The following GRIA4 variants were observed in gnomAD, a reference collection of about 807,000 sequenced individuals.
GRIA4 encodes the protein glutamate ionotropic receptor AMPA type subunit 4.
In GRIA4, 34 loss-of-function variants were observed where a neutral mutation model predicts 104.0. The observed-to-expected ratio is 0.33, with a 90% CI of 0.25 to 0.44. The LOEUF (loss-of-function observed/expected upper bound fraction) is 0.44, where lower values mean the gene tolerates loss of function less well. Ranked by LOEUF, GRIA4 falls within the 20% of genes least tolerant of loss-of-function variation. The pLI, the probability that GRIA4 is intolerant of heterozygous loss-of-function variation, is 1.00. For missense variants in GRIA4, 750 were observed against 1,096.5 expected, an observed-to-expected ratio of 0.68 and a Z score of 4.46; for synonymous variants, 386 against 381.9, an observed-to-expected ratio of 1.01 and a Z score of -0.13.
At chr11:105,639,966 T>TTA (rs1228115304) in intron 3 of GRIA4, among the ~76,000 whole-genome samples, 2 of 151,976 alleles carry the variant, frequency 1.3e-5, no homozygotes, top group Non-Finnish European at 2.9e-5. Context: ...TTTATGCTGC[T>TTA]TATATCTTGG....
intron 14 of GRIA4, among the ~76,000 whole-genome samples, chr11:105,954,219 C>T (rs948938175): frequency 6.6e-6 from 1 of 152,174 alleles, no homozygotes; most frequent in Non-Finnish European, 1.5e-5. Flanking sequence ...ACAAAACCAA[C>T]TGAACCAAAG....
At chr11:105,933,668 T>G in intron 13 of GRIA4, 54 bp from the exon 14 acceptor site, 2 of 1,327,414 alleles carry the variant, frequency 1.5e-6, no homozygotes, top group South Asian at 1.4e-5. Context: ...TCAGCGAATA[T>G]TAACATGTTG....
chr11:105,742,098 T>C (rs1245802844), intron 3 of GRIA4, among the ~76,000 whole-genome samples: 1 of 152,192 alleles, frequency 6.6e-6, no homozygotes, highest in Non-Finnish European at 1.5e-5. Context: ...GTTACATGTG[T>C]AGTACTGGAC....
intron 3 of GRIA4, among the ~76,000 whole-genome samples, chr11:105,671,638 A>C (rs983648893): frequency 8.2e-6 from 1 of 121,340 alleles, no homozygotes; most frequent in African/African-American, 3.1e-5. Context: ...AGATCACACC[A>C]CTGCACTCCA....
intron 4 of GRIA4, among the ~76,000 whole-genome samples, chr11:105,794,504 T>TATATAC (rs1942388862): frequency 3.3e-5 from 4 of 122,202 alleles, no homozygotes; most frequent in African/African-American, 9.8e-5. Context: ...TATATATATA[T>TATATAC]ATATATATAC....
intron 3 of GRIA4, among the ~76,000 whole-genome samples, chr11:105,714,035 T>C (rs1162592183): frequency 1.3e-5 from 2 of 152,090 alleles, no homozygotes; most frequent in Middle Eastern, 3.2e-3. Flanking sequence ...TCTATAGGAT[T>C]TAGGTTTTAC....
chr11:105,968,757 T>C lies in GRIA4; in HGVS notation c.2295-3157T>C, dbSNP rs917326235. Reference sequence around the variant, plus strand: ...TTCATACTCAATCTTGGGAATAAAATAGCAAAAATTTACTACTTGACAATG... The same window carrying C: ...TTCATACTCAATCTTGGGAATAAAACAGCAAAAATTTACTACTTGACAATG... On this transcript the variant is annotated intron_variant, in intron 14 of 16. Transcript: ENST00000282499. Among the ~76,000 whole-genome samples the C allele has an allele frequency of 1.3e-4, 20 of 152,184 alleles. 1 individual carries two copies. The highest frequency in any genetic ancestry group is 3.4e-4 in the African/African-American group (14 of 41,448).
intron 14 of GRIA4, among the ~76,000 whole-genome samples, chr11:105,956,615 A>G (rs1948597671): frequency 6.6e-6 from 1 of 152,178 alleles, no homozygotes; most frequent in Non-Finnish European, 1.5e-5. Context: ...TCCTTTGGGT[A>G]TATATGCAGT....
intron 4 of GRIA4, among the ~76,000 whole-genome samples, chr11:105,772,961 C>T (rs1228677194): frequency 6.6e-6 from 1 of 151,786 alleles, no homozygotes; most frequent in Non-Finnish European, 1.5e-5. Context: ...AAAAAGAGAG[C>T]GAGGGAAACA....
chr11:105,631,577 C>T (rs757467091), intron 3 of GRIA4, among the ~76,000 whole-genome samples: 25 of 152,030 alleles, frequency 1.6e-4, no homozygotes, highest in Non-Finnish European at 2.9e-4. Context: ...TGTTTGCTAC[C>T]AAGTTATTTG....
intron 6 of GRIA4, among the ~76,000 whole-genome samples, chr11:105,894,868 C>A (rs1284194686): frequency 9.7e-6 from 1 of 102,710 alleles, no homozygotes; most frequent in East Asian, 2.9e-4. Flanking sequence ...GGCGCAATCT[C>A]GGCTCACTGC....
intron 3 of GRIA4, among the ~76,000 whole-genome samples, chr11:105,637,872 G>A (rs1192493038): frequency 6.6e-6 from 1 of 152,082 alleles, no homozygotes; most frequent in African/African-American, 2.4e-5. Context: ...CCATGAAGGA[G>A]GATGGCTTAT....
intron 14 of GRIA4, among the ~76,000 whole-genome samples, chr11:105,956,383 T>C (rs957888131): frequency 8.5e-5 from 13 of 152,186 alleles, no homozygotes; most frequent in Admixed American, 3.3e-4. Context: ...CTTGCAATAG[T>C]TTGCCCAGAA....
chr11:105,738,884 C>G (rs1939122891), intron 3 of GRIA4, among the ~76,000 whole-genome samples: 1 of 141,892 alleles, frequency 7.0e-6, no homozygotes, highest in Non-Finnish European at 1.5e-5. Context: ...GCCTCTTTCT[C>G]TATACTTTGT....
rs80068443 is a variant in GRIA4 at position 105,685,433 on chromosome 11, A to G, written c.248-67548A>G. On this transcript the variant is annotated intron_variant, in intron 3 of 16. Transcript: ENST00000282499. Reference sequence around the variant, plus strand: ...ACTGCCAAACTGGCTCTGTGACAGCATCAAATTATTATGTTAGATTATGTG... The same window carrying G: ...ACTGCCAAACTGGCTCTGTGACAGCGTCAAATTATTATGTTAGATTATGTG... Among the ~76,000 whole-genome samples, 1,241 of 152,302 alleles carry G rather than the reference A, an allele frequency of 8.1e-3. 15 individuals are homozygous for G. The highest frequency in any genetic ancestry group is 0.048 in the East Asian group (249 of 5,176).
chr11:105,742,417 A>T (rs1456230643), intron 3 of GRIA4, among the ~76,000 whole-genome samples: 1 of 152,004 alleles, frequency 6.6e-6, no homozygotes, highest in Non-Finnish European at 1.5e-5. Context: ...GACCCCATGT[A>T]TTCTATCTTT....
intron 5 of GRIA4, among the ~76,000 whole-genome samples, chr11:105,883,127 A>T (rs1946123855): frequency 6.6e-6 from 1 of 152,186 alleles, no homozygotes; most frequent in African/African-American, 2.4e-5. Flanking sequence ...GGGAAAAAAA[A>T]GTAATGACAA....
Position 105,974,300 on chromosome 11 carries a change from TC to T in GRIA4, c.2410-4del, listed in dbSNP as rs577246071. 5.1e-5 allele frequency: 82 copies of T among 1,612,526 alleles called. No homozygotes were observed. The highest frequency in any genetic ancestry group is 4.2e-4 in the Admixed American group (25 of 59,844). ...TCCACAGTTAACTGAAGTGTCTTTA[TC>T]CCCCCTAGGACAAGACGAGTGCCTT... On this transcript the variant is annotated splice_polypyrimidine_tract_variant and intron_variant, in intron 15 of 16. Coordinates refer to ENST00000282499, the MANE Select transcript of GRIA4 (RefSeq NM_000829.4).
intron 4 of GRIA4, among the ~76,000 whole-genome samples, chr11:105,792,417 A>C (rs762845682): frequency 3.5e-4 from 54 of 152,164 alleles, no homozygotes; most frequent in Non-Finnish European, 5.4e-4. Flanking sequence ...CAGTGAACAC[A>C]AAATCCTCAC....
Sources: gnomAD v4.1 joint callset for allele counts (sites outside exome capture counted in the v4.1 genomes callset) on GRCh38, gnomAD v4.1.1 for gene constraint, MANE v1.5 for transcripts, NCBI Gene and HGNC (gene_info 2026-07-23, HGNC 2026-07-21) for gene names.